Variants in FCRL2 observed in about 807,000 individuals in gnomAD.
The protein encoded by FCRL2 is Fc receptor like 2.
FCRL2 carries 48 observed loss-of-function variants against 59.8 expected under a neutral mutation model. The ratio of observed to expected loss-of-function variants is 0.80; its 90% confidence interval spans 0.64 to 1.02. FCRL2 has a LOEUF of 1.02. FCRL2 is among the 50% of genes least tolerant of loss of function. The probability of loss-of-function intolerance (pLI) is 0.00; values close to 1 mark genes in which losing one functional copy is unlikely to be tolerated. For missense variants in FCRL2, 658 were observed against 597.3 expected, an observed-to-expected ratio of 1.10 and a Z score of -1.06; for synonymous variants, 251 against 229.5, an observed-to-expected ratio of 1.09 and a Z score of -0.85.
intron 2 of FCRL2, among the ~76,000 whole-genome samples, chr1:157,771,806 CTA>C (rs1650043376): frequency 6.6e-6 from 1 of 152,052 alleles, no homozygotes; most frequent in Non-Finnish European, 1.5e-5. Flanking sequence ...TTTCCTGTCA[CTA>C]TTCAATTGTA....
chr1:157,749,085 T>C (rs944022157), intron 8 of FCRL2, 125 bp from the exon 9 acceptor site: 3 of 733,924 alleles, frequency 4.1e-6, no homozygotes, highest in Non-Finnish European at 4.6e-6. Context: ...GGTGATTTTA[T>C]GGCCCTTTGT....
chr1:157,753,491 T>G (rs1322804603), intron 7 of FCRL2, among the ~76,000 whole-genome samples: 1 of 152,194 alleles, frequency 6.6e-6, no homozygotes, highest in East Asian at 1.9e-4. Flanking sequence ...TGAAAAAGTT[T>G]AGGTAAGACA....
At chr1:157,765,712 T>A (rs1649441264) in intron 7 of FCRL2, among the ~76,000 whole-genome samples, 1 of 152,338 alleles carries the variant, frequency 6.6e-6, no homozygotes, top group South Asian at 2.1e-4. Flanking sequence ...TGTGGAAATT[T>A]AAAAAATATG....
intron 7 of FCRL2, among the ~76,000 whole-genome samples, chr1:157,765,895 G>A (rs904004265): frequency 2.0e-5 from 3 of 152,164 alleles, no homozygotes; most frequent in Non-Finnish European, 4.4e-5. Context: ...TATCACACTT[G>A]CTTTTTGGAG....
At chr1:157,763,506 C>T (rs1649260114) in intron 7 of FCRL2, among the ~76,000 whole-genome samples, 2 of 151,590 alleles carry the variant, frequency 1.3e-5, no homozygotes, top group Non-Finnish European at 2.9e-5. Context: ...GCCTGGGTGA[C>T]AAGAGTGAAA....
rs537327988 is a variant in FCRL2, at chr1:157,760,262, G to C, written c.1279+6593C>G. Among the ~76,000 whole-genome samples the C allele has an allele frequency of 3.9e-5, 6 of 152,234 alleles. No individual in the cohort carries two copies. In the East Asian group the frequency reaches 1.2e-3, roughly 29 times the overall value. On this transcript the variant is annotated intron_variant, in intron 7 of 11. Transcript: ENST00000361516. ...GTTGAGTGCATATGAACACAAAGAA[G>C]AGTACAACAGATGCTGGGACCTATT...
At chr1:157,758,680 CAAAAAA>C (rs59716565) in intron 7 of FCRL2, among the ~76,000 whole-genome samples, 1 of 55,402 alleles carries the variant, frequency 1.8e-5, no homozygotes, top group Non-Finnish European at 3.4e-5. Flanking sequence ...CAGTCCCAAG[CAAAAAA>C]AAAAAAAAAA....
At chr1:157,749,601 A>G (rs1416351942) in intron 8 of FCRL2, 49 bp downstream of exon 8, 1 of 1,419,590 alleles carries the variant, frequency 7.0e-7, no homozygotes, top group Non-Finnish European at 9.9e-7. Context: ...TTTAAAACTG[A>G]ATGAAGGAGA....
Position 157,768,464 on chromosome 1 carries a change from T to G in FCRL2, c.833A>C (p.Asp278Ala). ...SDAGKYYCRA[D>A]NGHVPIQSKV... ...GCTCTGGATAGGCACATGGCCGTTG[T>G]CAGCTCTACAGTAATATTTGCCGGC... The change falls in exon 5 of 12, where the codon GAC becomes GCC. Residue 278 changes from aspartate to alanine, a missense_variant. By Grantham distance (126) the Asp-to-Ala change is moderately radical. Coordinates refer to ENST00000361516, the MANE Select transcript of FCRL2 (RefSeq NM_030764.4). 6.2e-7 allele frequency: 1 copy of G among 1,614,236 alleles called. No individual in the cohort carries two copies. The highest frequency in any genetic ancestry group is 8.5e-7 in the Non-Finnish European group (1 of 1,180,040).
At chr1:157,768,023 CT>C in intron 5 of FCRL2, 1 of 239,604 alleles carries the variant, frequency 4.2e-6, no homozygotes, top group Non-Finnish European at 8.0e-6. Flanking sequence ...AAATGTCTCC[CT>C]TTGGGTGCAG....
At position 157,770,147 on chromosome 1, in the gene FCRL2, A is replaced by G; in HGVS notation, c.314T>C (p.Leu105Pro). ...GGCAGTCAGCACAGGACGTTGAAAG[A>G]GCTCTAGAGAGAAGGATCACAATAG... ...SNIVKIKVQELFQRPVLTASS... is the reference protein window; with the variant it reads ...SNIVKIKVQEPFQRPVLTASS... Residue 105 changes from leucine to proline, a missense_variant, in exon 4 of 12, where the codon CTC (leucine) becomes CCC (proline). Physicochemically the swap from Leu to Pro is moderately conservative, Grantham distance 98. Coordinates refer to ENST00000361516, the MANE Select transcript of FCRL2 (RefSeq NM_030764.4). 6 of 1,612,650 alleles carry G rather than the reference A, an allele frequency of 3.7e-6. No homozygotes were observed. Among genetic ancestry groups the G allele is most frequent in the Non-Finnish European group, 4.2e-6 (5 of 1,179,238 alleles).
chr1:157,767,252 C>T lies in FCRL2; in HGVS notation c.1141G>A (p.Ala381Thr). ...NNGLGAQCSE[A>T]VPVSISGPDG... The stretch of plus-strand genomic sequence containing the variant: ...CCACCTGAGATGGAGACTGGCACTG[C>T]CTCACTGCACTGGGCCCCCAGGCCG... Residue 381 changes from alanine to threonine, a missense_variant, in exon 6 of 12, where the codon GCA (alanine) becomes ACA (threonine). Transcript: ENST00000361516. 6.2e-7 allele frequency: 1 copy of T among 1,613,488 alleles called. No homozygotes were observed. Among genetic ancestry groups the T allele is most frequent in the Non-Finnish European group, 8.5e-7 (1 of 1,179,646 alleles).
At chr1:157,771,315 T>A (rs770348852) in intron 2 of FCRL2, among the ~76,000 whole-genome samples, 1 of 152,202 alleles carries the variant, frequency 6.6e-6, no homozygotes, top group Non-Finnish European at 1.5e-5. Context: ...TAGCGGGCAC[T>A]TTATTTTTTC....
At position 157,770,113 on chromosome 1, in the gene FCRL2, GA is replaced by G; in HGVS notation, c.347del (p.Phe116SerfsTer9). 1 of 1,614,154 alleles carries G rather than the reference GA, an allele frequency of 6.2e-7. No homozygotes were observed. Among genetic ancestry groups the G allele is most frequent in the Non-Finnish European group, 8.5e-7 (1 of 1,180,036 alleles). ...FQRPVLTASSFQPIEGGPVSL... is the reference protein window; with the variant it reads ...FQRPVLTASSXQPIEGGPVSL... ...TCACTGGACCCCCTTCGATGGGCTG[GA>G]AGGAGCTGGCAGTCAGCACAGGACG... On this transcript the variant is annotated frameshift_variant, in exon 4 of 12. Transcript: ENST00000361516. LOFTEE classifies it high-confidence loss of function.
chr1:157,773,637 G>A (rs1480727380), intron 2 of FCRL2, among the ~76,000 whole-genome samples: 3 of 152,208 alleles, frequency 2.0e-5, no homozygotes, highest in Admixed American at 2.0e-4. Flanking sequence ...GCATGGCTGT[G>A]ATGGCTCCAA....
At chr1:157,766,727 G>A (rs1649522576) in intron 7 of FCRL2, 128 bp downstream of exon 7, 1 of 1,472,320 alleles carries the variant, frequency 6.8e-7, no homozygotes, top group Admixed American at 2.3e-5. Context: ...GCAGAATTAT[G>A]AAGCATAAAA....
chr1:157,762,747 A>G (rs1024023490), intron 7 of FCRL2, among the ~76,000 whole-genome samples: 2 of 152,210 alleles, frequency 1.3e-5, no homozygotes, highest in African/African-American at 4.8e-5. Flanking sequence ...AAAACAAAAG[A>G]TACACTCCAA....
chr1:157,747,045 G>T, intron 10 of FCRL2, 146 bp from the exon 11 acceptor site: 3 of 833,352 alleles, frequency 3.6e-6, no homozygotes, highest in Non-Finnish European at 5.6e-6. Flanking sequence ...TCTTAAAGTT[G>T]TTAATACTGA....
intron 2 of FCRL2, chr1:157,774,301 T>A: frequency 2.7e-6 from 1 of 374,488 alleles, no homozygotes. Context: ...GGCCAGAAAC[T>A]TTTCCCCAGA....
Sources: allele counts gnomAD v4.1 joint callset (sites outside exome capture counted in the v4.1 genomes callset), GRCh38; gene constraint gnomAD v4.1.1; transcripts MANE v1.5; gene names NCBI Gene and HGNC (gene_info 2026-07-23, HGNC 2026-07-21).